Variants in CDK15 observed in about 807,000 individuals in gnomAD.
CDK15 encodes the protein cyclin dependent kinase 15.
Under a neutral mutation model 60.3 loss-of-function variants are expected in CDK15, and 62 were observed. The ratio of observed to expected loss-of-function variants is 1.03; its 90% CI spans 0.84 to 1.27. CDK15 has a LOEUF of 1.27. Ranked by LOEUF, CDK15 falls within the 50% of genes most tolerant of loss-of-function variation. The pLI is 0.00. For synonymous variants in CDK15, 194 were observed against 195.7 expected (o/e 0.99, Z 0.07); for missense variants, 541 against 527.8 (o/e 1.03, Z -0.25).
chr2:201,819,462 G>A (rs951164632), intron 4 of CDK15, among the ~76,000 whole-genome samples: 5 of 152,172 alleles, frequency 3.3e-5, no homozygotes, highest in African/African-American at 4.8e-5. Flanking sequence ...GCAGGAAATC[G>A]CAAGTCCTTT....
chr2:201,889,688 G>T (rs1320714003), intron 12 of CDK15, among the ~76,000 whole-genome samples: 6 of 152,000 alleles, frequency 3.9e-5, no homozygotes, highest in Non-Finnish European at 8.8e-5. Context: ...GACATCAAAG[G>T]TAGTATATAT....
At chr2:201,822,633 A>G (rs184514492) in intron 4 of CDK15, among the ~76,000 whole-genome samples, 176 bp from the exon 5 acceptor site, 1 of 152,374 alleles carries the variant, frequency 6.6e-6, no homozygotes, top group African/African-American at 2.4e-5. Flanking sequence ...CATTTTTGAA[A>G]TAATGAAGGT....
At chr2:201,888,788 T>C in intron 12 of CDK15, 1 of 1,156,236 alleles carries the variant, frequency 8.6e-7, no homozygotes, top group Non-Finnish European at 1.1e-6. Context: ...CGGAGGGAAA[T>C]CCCAGCTTTT....
At chr2:201,841,519 T>C (rs1697380020) in intron 8 of CDK15, among the ~76,000 whole-genome samples, 1 of 151,884 alleles carries the variant, frequency 6.6e-6, no homozygotes, top group South Asian at 2.1e-4. Flanking sequence ...CTTTTCAGAG[T>C]GATAAGAGGG....
chr2:201,858,450 C>T (rs2105794115), intron 10 of CDK15, among the ~76,000 whole-genome samples: 1 of 150,988 alleles, frequency 6.6e-6, no homozygotes, highest in Admixed American at 6.6e-5. Flanking sequence ...CCCTCCCTTC[C>T]TTTCTGTCTC....
At chr2:201,890,056 G>GAA (rs1163431033) in intron 12 of CDK15, among the ~76,000 whole-genome samples, 294 of 96,124 alleles carry the variant, frequency 3.1e-3, no homozygotes, top group African/African-American at 9.9e-3. Flanking sequence ...CTCAAAAAAA[G>GAA]AAAAAAAAAA....
rs1574887225 is a variant in CDK15 at position 201,840,958 on chromosome 2, C to G, written c.851+5195C>G. On this transcript the variant is annotated intron_variant, in intron 8 of 13. Transcript: ENST00000652192. ...GCCATTTTCTTTTTGAATATTGACT[C>G]TATTCTATTCTCTCTCTGTAGAGCT... Among the ~76,000 whole-genome samples the G allele has an allele frequency of 2.6e-5, 4 of 152,274 alleles. No homozygotes were observed. The East Asian group carries it at 7.7e-4, about 29-fold the overall frequency.
chr2:201,831,989 C>T (rs750138967), intron 6 of CDK15, among the ~76,000 whole-genome samples: 3 of 152,070 alleles, frequency 2.0e-5, no homozygotes, highest in Non-Finnish European at 2.9e-5. Flanking sequence ...CACCAGCTTC[C>T]TGTCTTCTAT....
intron 10 of CDK15, 99 bp downstream of exon 10, chr2:201,855,036 CAA>C: frequency 2.0e-6 from 2 of 1,019,784 alleles, no homozygotes; most frequent in Non-Finnish European, 3.1e-6. Flanking sequence ...AACTCAGCGG[CAA>C]AGATGGGTGT....
At chr2:201,843,479 T>C (rs1161771498) in intron 8 of CDK15, among the ~76,000 whole-genome samples, 1 of 152,128 alleles carries the variant, frequency 6.6e-6, no homozygotes, top group Non-Finnish European at 1.5e-5. Context: ...CTAGAACAGA[T>C]CTGTCACCTT....
intron 12 of CDK15, chr2:201,888,914 C>A: frequency 2.0e-6 from 2 of 994,040 alleles, no homozygotes; most frequent in Non-Finnish European, 2.4e-6. Context: ...TTTATTTTAG[C>A]CATTTAACTG....
chr2:201,843,599 T>A (rs952518451), intron 8 of CDK15, among the ~76,000 whole-genome samples: 1 of 152,172 alleles, frequency 6.6e-6, no homozygotes, highest in Non-Finnish European at 1.5e-5. Context: ...GTCTTATAAG[T>A]GTTCTAAAGA....
intron 9 of CDK15, among the ~76,000 whole-genome samples, chr2:201,851,744 C>G (rs1384722873): frequency 6.6e-6 from 1 of 152,124 alleles, no homozygotes; most frequent in South Asian, 2.1e-4. Context: ...ATTGCAACCT[C>G]CACCTCCTGG....
intron 6 of CDK15, among the ~76,000 whole-genome samples, chr2:201,832,344 C>T (rs943589308): frequency 9.2e-5 from 14 of 152,228 alleles, no homozygotes; most frequent in African/African-American, 3.4e-4. Flanking sequence ...CTGCGCCAGT[C>T]TGAAAAACGT....
At chr2:201,819,181 G>A (rs1356458295) in intron 4 of CDK15, among the ~76,000 whole-genome samples, 2 of 152,132 alleles carry the variant, frequency 1.3e-5, no homozygotes, top group Admixed American at 6.5e-5. Context: ...GTAGAGGGCT[G>A]CTATCTCACC....
At chr2:201,889,068 G>A (rs1282735184) in intron 12 of CDK15, 1 of 985,168 alleles carries the variant, frequency 1.0e-6, no homozygotes, top group Non-Finnish European at 1.2e-6. Flanking sequence ...CCAAATACAA[G>A]ACAACGAGAC....
intron 12 of CDK15, among the ~76,000 whole-genome samples, chr2:201,883,754 G>A (rs577163281): frequency 5.9e-5 from 9 of 152,298 alleles, no homozygotes; most frequent in African/African-American, 1.9e-4. Flanking sequence ...CTCAGACACC[G>A]GCTTATGGCC....
chr2:201,831,603 C>T (rs948032487), intron 6 of CDK15, among the ~76,000 whole-genome samples: 1 of 152,108 alleles, frequency 6.6e-6, no homozygotes, highest in African/African-American at 2.4e-5. Context: ...ACCTTAATAC[C>T]GCAGTGCTTT....
intron 8 of CDK15, among the ~76,000 whole-genome samples, chr2:201,837,321 G>GAC (rs1363328246): frequency 7.1e-6 from 1 of 140,092 alleles, no homozygotes; most frequent in East Asian, 2.2e-4. Flanking sequence ...GAGAGAGAGA[G>GAC]AGAAAGAAAG....
Sources: allele counts gnomAD v4.1 joint callset (sites outside exome capture counted in the v4.1 genomes callset), GRCh38; gene constraint gnomAD v4.1.1; transcripts MANE v1.5; gene names NCBI Gene and HGNC (gene_info 2026-07-23, HGNC 2026-07-21).